The following DNAJB13 variants were observed in gnomAD, a reference collection of about 807,000 sequenced individuals.
DNAJB13 encodes the protein DnaJ heat shock protein family (Hsp40) member B13, also known as dnaJ homolog subfamily B member 13.
Under a neutral mutation model 35.6 loss-of-function variants are expected in DNAJB13, and 22 were observed. The observed-to-expected ratio is 0.62, with a 90% CI of 0.44 to 0.88. The LOEUF (loss-of-function observed/expected upper bound fraction) is 0.88, where lower values mean the gene tolerates loss of function less well. Ranked by LOEUF, DNAJB13 falls within the 40% of genes least tolerant of loss-of-function variation. DNAJB13 has a pLI of 0.00. For synonymous variants in DNAJB13, 136 were observed against 144.2 expected (o/e 0.94, Z 0.41); for missense variants, 370 against 384.3 (o/e 0.96, Z 0.31).
intron 1 of DNAJB13, among the ~76,000 whole-genome samples, chr11:73,954,584 C>T (rs1159989703): frequency 6.8e-6 from 1 of 146,940 alleles, no homozygotes; most frequent in Admixed American, 6.8e-5. Flanking sequence ...GAGCCGAGAT[C>T]GCGCCACTGC....
At position 73,958,304 on chromosome 11, in the gene DNAJB13, C is replaced by A; in HGVS notation, c.69-13C>A. ...CCAGCTGATAAGACTTGTATTAATT[C>A]TCCCTCTTCCAGGTACCGCAGACTC... On this transcript the variant is annotated splice_polypyrimidine_tract_variant and intron_variant, in intron 1 of 7. Coordinates refer to ENST00000339764, the MANE Select transcript of DNAJB13 (RefSeq NM_153614.4). 6.2e-7 allele frequency: 1 copy of A among 1,613,578 alleles called. No homozygotes were observed. Among genetic ancestry groups the A allele is most frequent in the Non-Finnish European group, 8.5e-7 (1 of 1,179,590 alleles).
intron 5 of DNAJB13, among the ~76,000 whole-genome samples, chr11:73,966,678 T>G (rs533220405): frequency 3.4e-4 from 49 of 142,836 alleles, no homozygotes; most frequent in African/African-American, 1.4e-3. Context: ...ATGTATTTAT[T>G]TATTTATTTA....
chr11:73,966,205 G>A lies in DNAJB13; in HGVS notation c.560G>A (p.Gly187Asp). Residue 187 changes from glycine to aspartate, a missense_variant, in exon 5 of 8, where the codon GGT (glycine) becomes GAT (aspartate). Physicochemically the swap from Gly to Asp is moderately conservative, Grantham distance 94. Transcript: ENST00000339764. ...ATCCTGACCATTGATGTGAAGCCCG[G>A]TTGGAGGCAGGGCACACGCATCACC... ...DKILTIDVKP[G>D]WRQGTRITFE... 1 of 1,613,896 alleles carries A rather than the reference G, an allele frequency of 6.2e-7. No homozygotes were observed. The highest frequency in any genetic ancestry group is 1.7e-4 in the Middle Eastern group (1 of 6,058).
In DNAJB13 at chr11:73,966,146, C is replaced by T. The variant is rs779711726; in HGVS notation, c.501C>T (p.Asn167=). 8.7e-6 allele frequency: 14 copies of T among 1,612,542 alleles called. No homozygotes were observed. Among genetic ancestry groups the T allele is most frequent in the East Asian group, 2.2e-5 (1 of 44,884 alleles). ...KKIKISRRVL[N]EDGYSSTIKD... ...CTGATATGTTGCTATAGGTGCTGAACGAGGATGGGTACTCCTCCACCATCA... is the reference window on the plus strand; with the variant it reads ...CTGATATGTTGCTATAGGTGCTGAATGAGGATGGGTACTCCTCCACCATCA... Residue 167 remains asparagine (N), a synonymous_variant, in exon 5 of 8, where the codon AAC becomes AAT. Transcript: ENST00000339764.
intron 1 of DNAJB13, among the ~76,000 whole-genome samples, chr11:73,952,334 G>C (rs1227801695): frequency 2.0e-5 from 3 of 152,230 alleles, no homozygotes; most frequent in Admixed American, 2.0e-4. Flanking sequence ...GTTAGGCAGT[G>C]ACAATAGGTG....
chr11:73,964,767 G>C (rs1951034419), intron 3 of DNAJB13, 111 bp from the exon 4 acceptor site: 12 of 106,276 alleles, frequency 1.1e-4, no homozygotes, highest in Non-Finnish European at 1.7e-4. Context: ...TAGGGAGGCT[G>C]TGTGTGTGTG....
chr11:73,969,006 C>T lies in DNAJB13; in HGVS notation c.721-240C>T, dbSNP rs17132517. Among the ~76,000 whole-genome samples, 42,332 of 152,076 alleles carry T rather than the reference C, an allele frequency of 0.28. 6,161 individuals carry two copies. Among genetic ancestry groups the T allele is most frequent in the Admixed American group, 0.36 (5,463 of 15,282 alleles). On this transcript the variant is annotated intron_variant, in intron 6 of 7. Transcript: ENST00000339764. ...GGGGCCTCTCCTTGGCTCCCACAAACGCTTTTATTCTGTCTCCATCATTAC... is the reference window on the plus strand; with the variant it reads ...GGGGCCTCTCCTTGGCTCCCACAAATGCTTTTATTCTGTCTCCATCATTAC...
chr11:73,964,613 A>T, intron 3 of DNAJB13: 2 of 425,704 alleles, frequency 4.7e-6, no homozygotes, highest in South Asian at 2.5e-5. Flanking sequence ...TCCCAAGGGG[A>T]GGTGAAGCAG....
At chr11:73,965,284 C>T (rs1951078399) in intron 4 of DNAJB13, 2 of 367,160 alleles carry the variant, frequency 5.4e-6, no homozygotes, top group East Asian at 1.0e-4. Flanking sequence ...AGGCTCTTTC[C>T]CTTCCTTTCT....
intron 1 of DNAJB13, 32 bp downstream of exon 1, chr11:73,951,169 T>C: frequency 6.2e-7 from 1 of 1,612,796 alleles, no homozygotes; most frequent in Non-Finnish European, 8.5e-7. Context: ...GCCTTAGGGG[T>C]GTGCTGGGGC....
At position 73,958,392 on chromosome 11, in the gene DNAJB13, A is replaced by G; in HGVS notation, c.144A>G (p.Ile48Met). The change falls in exon 2 of 8, where the codon ATA becomes ATG. Residue 48 changes from isoleucine to methionine, a missense_variant. By Grantham distance (10) the Ile-to-Met change is conservative. Transcript: ENST00000339764. The stretch of plus-strand genomic sequence containing the variant: ...CTTCAGCAGAGATTTTCAGGCAAAT[A>G]GCAGAGGCCTACGACGTGCTGAGTG... ...EPSSAEIFRQIAEAYDVLSDP... is the reference protein window; with the variant it reads ...EPSSAEIFRQMAEAYDVLSDP... 1.2e-6 allele frequency: 2 copies of G among 1,614,162 alleles called. No individual in the cohort carries two copies. Among genetic ancestry groups the G allele is most frequent in the Non-Finnish European group, 1.7e-6 (2 of 1,180,014 alleles).
chr11:73,965,323 T>C (rs1023161400), intron 4 of DNAJB13: 15 of 264,766 alleles, frequency 5.7e-5, no homozygotes, highest in Non-Finnish European at 1.0e-4. Flanking sequence ...CCGTGGGAAC[T>C]GGAAAGGCTC....
Position 73,970,141 on chromosome 11 carries a change from A to G in DNAJB13, c.*27A>G. The G allele has an allele frequency of 6.4e-7, 1 of 1,562,186 alleles. No homozygotes were observed. Among genetic ancestry groups the G allele is most frequent in the Non-Finnish European group, 8.7e-7 (1 of 1,153,650 alleles). On this transcript the variant is annotated 3_prime_UTR_variant, in exon 8 of 8. Transcript: ENST00000339764. ...TGTGGTGGGCTGGAGCAGGGGTGAG[A>G]GGAGGCTAGCCGGGCCTCACCCCAC...
intron 1 of DNAJB13, among the ~76,000 whole-genome samples, chr11:73,954,639 A>T (rs1456315639): frequency 2.5e-5 from 3 of 119,928 alleles, no homozygotes; most frequent in Admixed American, 7.8e-5. Context: ...CAAAAAAAAA[A>T]AATAAAATAA....
At chr11:73,968,564 T>TA (rs1951190053) in intron 6 of DNAJB13, 106 bp downstream of exon 6, 4 of 888,224 alleles carry the variant, frequency 4.5e-6, no homozygotes, top group Non-Finnish European at 5.3e-6. Flanking sequence ...CATCAGTCAC[T>TA]AAGCCCTGTG....
intron 7 of DNAJB13, 144 bp from the exon 8 acceptor site, chr11:73,969,817 A>G (rs1465884640): frequency 9.4e-7 from 1 of 1,063,954 alleles, no homozygotes; most frequent in Admixed American, 3.0e-5. Context: ...TTTCCCAACC[A>G]GTTCTGGCTA....
At chr11:73,954,901 A>C (rs1292041760) in intron 1 of DNAJB13, among the ~76,000 whole-genome samples, 1 of 152,114 alleles carries the variant, frequency 6.6e-6, no homozygotes, top group South Asian at 2.1e-4. Flanking sequence ...CAGTGAACCA[A>C]GATTGAGTCA....
At chr11:73,956,593 A>C (rs1312054698) in intron 1 of DNAJB13, among the ~76,000 whole-genome samples, 3 of 152,162 alleles carry the variant, frequency 2.0e-5, no homozygotes, top group African/African-American at 7.2e-5. Context: ...ACCTGAGGTC[A>C]GTAGTTCAAG....
intron 3 of DNAJB13, 129 bp downstream of exon 3, chr11:73,959,784 A>G (rs1487974976): frequency 1.0e-6 from 1 of 960,100 alleles, no homozygotes; most frequent in Non-Finnish European, 1.4e-6. Context: ...TTTTTTGGAG[A>G]TGGAGACTCA....
Sources: allele counts gnomAD v4.1 joint callset (sites outside exome capture counted in the v4.1 genomes callset), GRCh38; gene constraint gnomAD v4.1.1; transcripts MANE v1.5; gene names NCBI Gene and HGNC (gene_info 2026-07-23, HGNC 2026-07-21).